Variants in ZSCAN25 observed in about 807,000 individuals in gnomAD.
ZSCAN25 encodes zinc finger and SCAN domain-containing protein 25.
ZSCAN25 carries 27 observed loss-of-function variants against 38.7 expected under a neutral mutation model. The observed-to-expected ratio is 0.70, with a 90% CI of 0.51 to 0.96. The LOEUF is 0.96. Among genes scored for constraint, ZSCAN25 ranks in the 40% least tolerant of loss-of-function variants. The pLI, the probability that ZSCAN25 is intolerant of heterozygous loss-of-function variation, is 0.00. For synonymous variants in ZSCAN25, 273 were observed against 277.7 expected (o/e 0.98, Z 0.17); for missense variants, 637 against 705.9 (o/e 0.90, Z 1.11).
Position 99,629,943 on chromosome 7 carries a change from G to A in ZSCAN25, c.1558G>A (p.Gly520Arg), listed in dbSNP as rs774804651. 2.6e-5 allele frequency: 42 copies of A among 1,613,278 alleles called. No individual in the cohort carries two copies. The highest frequency in any genetic ancestry group is 1.6e-4 in the East Asian group (7 of 44,874). ...GAAGCCCTACCACTGTCCTGCCTGC[G>A]GGCGAAGCTTCAACCAGAGGTCCAT... ...GEKPYHCPAC[G>R]RSFNQRSILN... Residue 520 changes from glycine to arginine, a missense_variant, in exon 8 of 8, where the codon GGG becomes AGG. Physicochemically the swap from Gly to Arg is moderately radical, Grantham distance 125. Coordinates refer to ENST00000394152, the MANE Select transcript of ZSCAN25 (RefSeq NM_145115.3). This position sits in a 1 kb window ranked among gnomAD's most constrained non-coding sequence, Gnocchi z 5.6.
the ZSCAN25 span, among the ~76,000 whole-genome samples, chr7:99,685,484 G>C: frequency 1.3e-5 from 2 of 152,202 alleles, no homozygotes; most frequent in African/African-American, 4.8e-5. Context: ...ACCACACCAA[G>C]GTTGGACAGG....
chr7:99,624,413 CGGTCATGAG>C, intron 7 of ZSCAN25: 4 of 547,154 alleles, frequency 7.3e-6, no homozygotes, highest in Admixed American at 6.2e-5. Flanking sequence ...GGAGACAGGT[CGGTCATGAG>C]GACCCCCAAA....
At chr7:99,693,338 G>A in the ZSCAN25 span, among the ~76,000 whole-genome samples, 1 of 152,210 alleles carries the variant, frequency 6.6e-6, no homozygotes. Flanking sequence ...TTCCCAGTCA[G>A]GCTACAGGGG....
chr7:99,715,420 A>C, the ZSCAN25 span: 2 of 324,776 alleles, frequency 6.2e-6, no homozygotes, highest in African/African-American at 4.3e-5. Context: ...ACTAAAGTAC[A>C]AATTCATGAA....
the ZSCAN25 span, among the ~76,000 whole-genome samples, chr7:99,719,197 A>T: frequency 6.6e-6 from 1 of 152,198 alleles, no homozygotes; most frequent in African/African-American, 2.4e-5. Flanking sequence ...AGCTAAAACA[A>T]ATCTAAAAAA....
the ZSCAN25 span, among the ~76,000 whole-genome samples, chr7:99,703,888 C>T: frequency 1.3e-5 from 2 of 152,010 alleles, no homozygotes; most frequent in African/African-American, 4.8e-5. Flanking sequence ...CAGGCTGTTT[C>T]CACATGAACA....
the ZSCAN25 span, among the ~76,000 whole-genome samples, chr7:99,734,069 T>C: frequency 6.6e-6 from 1 of 152,142 alleles, no homozygotes; most frequent in Admixed American, 6.5e-5. Context: ...AAATAGTCTA[T>C]CTCCAAAAAA....
At chr7:99,709,800 A>G in the ZSCAN25 span, among the ~76,000 whole-genome samples, 1 of 152,096 alleles carries the variant, frequency 6.6e-6, no homozygotes, top group African/African-American at 2.4e-5. Flanking sequence ...ATATATATAT[A>G]TATGCATATA....
At chr7:99,694,937 C>G in the ZSCAN25 span, among the ~76,000 whole-genome samples, 1 of 151,936 alleles carries the variant, frequency 6.6e-6, no homozygotes, top group Non-Finnish European at 1.5e-5. Context: ...ATAATTTCAT[C>G]AAATTATCAC....
the ZSCAN25 span, among the ~76,000 whole-genome samples, chr7:99,736,408 A>G: frequency 6.6e-6 from 1 of 152,158 alleles, no homozygotes; most frequent in Non-Finnish European, 1.5e-5. Flanking sequence ...GGATTTTCTA[A>G]TGGGAGGAGA....
At chr7:99,694,234 C>A in the ZSCAN25 span, among the ~76,000 whole-genome samples, 1 of 152,278 alleles carries the variant, frequency 6.6e-6, no homozygotes, top group South Asian at 2.1e-4. Context: ...AGTCTTTTAT[C>A]TCTGTTCATC....
At chr7:99,709,678 G>A in the ZSCAN25 span, among the ~76,000 whole-genome samples, 4 of 152,238 alleles carry the variant, frequency 2.6e-5, 1 homozygote, top group South Asian at 4.1e-4. Context: ...CAAATTCTCT[G>A]TGCGACAAGG....
the ZSCAN25 span, among the ~76,000 whole-genome samples, chr7:99,736,660 G>C: frequency 6.6e-6 from 1 of 152,158 alleles, no homozygotes; most frequent in Non-Finnish European, 1.5e-5. Flanking sequence ...AGCTGTGCTT[G>C]TTCACTTCCT....
chr7:99,649,020 G>T, the ZSCAN25 span, among the ~76,000 whole-genome samples: 1 of 152,164 alleles, frequency 6.6e-6, no homozygotes, highest in Non-Finnish European at 1.5e-5. Context: ...TAGCACTATT[G>T]TCACTGAGTC....
chr7:99,732,220 T>G, the ZSCAN25 span, among the ~76,000 whole-genome samples: 6 of 152,288 alleles, frequency 3.9e-5, no homozygotes, highest in South Asian at 1.2e-3. Context: ...CCCCACCCTC[T>G]CTTGCTTCTG....
the ZSCAN25 span, among the ~76,000 whole-genome samples, chr7:99,726,743 TA>T: frequency 6.6e-6 from 1 of 152,180 alleles, no homozygotes; most frequent in Non-Finnish European, 1.5e-5. Context: ...TTCTACTCTG[TA>T]GTCCCTCCTT....
the ZSCAN25 span, among the ~76,000 whole-genome samples, chr7:99,640,983 G>C: frequency 1.3e-5 from 2 of 152,188 alleles, no homozygotes; most frequent in Admixed American, 1.3e-4. Context: ...CCAGAGACCA[G>C]GAAATGGTAG....
the ZSCAN25 span, chr7:99,714,419 A>G: frequency 7.2e-7 from 1 of 1,388,252 alleles, no homozygotes; most frequent in Non-Finnish European, 9.6e-7. Context: ...CAAATGAATT[A>G]TCTTGCTCTA....
the ZSCAN25 span, chr7:99,638,772 A>C: frequency 1.0e-6 from 1 of 1,003,786 alleles, no homozygotes; most frequent in Non-Finnish European, 1.6e-6. Context: ...CCATCGCGTC[A>C]GAGAAGCTGG....
Sources: gnomAD v4.1 joint callset for allele counts (sites outside exome capture counted in the v4.1 genomes callset) on GRCh38, gnomAD v4.1.1 for gene constraint, Gnocchi (gnomAD v3.1) non-coding constraint, MANE v1.5 for transcripts, NCBI Gene and HGNC (gene_info 2026-07-23, HGNC 2026-07-21) for gene names.